SYNDIG1: variants seen among roughly 807,000 people sequenced by gnomAD.
SYNDIG1 encodes the protein synapse differentiation inducing 1.
A neutral mutation model predicts 19.4 loss-of-function variants in SYNDIG1; 9 were observed. That is an observed-to-expected ratio of 0.46 (90% CI 0.28 to 0.81). SYNDIG1 has a LOEUF of 0.81. Among genes scored for constraint, SYNDIG1 ranks in the 30% least tolerant of loss-of-function variants. The pLI, the probability that SYNDIG1 is intolerant of heterozygous loss-of-function variation, is 0.12. For missense variants in SYNDIG1, 311 were observed against 343.3 expected (o/e 0.91, Z 0.74); for synonymous variants, 141 against 145.9 (o/e 0.97, Z 0.24).
At chr20:24,475,511 A>C (rs2055593381) in intron 1 of SYNDIG1, among the ~76,000 whole-genome samples, 1 of 152,212 alleles carries the variant, frequency 6.6e-6, no homozygotes, top group Non-Finnish European at 1.5e-5. Context: ...AGGGCAGTTG[A>C]AAGAGTTGAA....
chr20:24,495,858 T>G (rs2004036), intron 1 of SYNDIG1: 1 of 152,114 alleles, frequency 6.6e-6, no homozygotes, highest in African/African-American at 2.4e-5. Flanking sequence ...TATTTATTTA[T>G]TTTTGATATG....
intron 1 of SYNDIG1, among the ~76,000 whole-genome samples, chr20:24,524,594 T>C (rs1007661404): frequency 4.0e-5 from 6 of 150,422 alleles, no homozygotes; most frequent in Non-Finnish European, 7.4e-5. Context: ...TACAGTGAGC[T>C]GAGATCGCGC....
chr20:24,624,329 A>T (rs1339531921), intron 3 of SYNDIG1, among the ~76,000 whole-genome samples: 1 of 152,100 alleles, frequency 6.6e-6, no homozygotes, highest in East Asian at 1.9e-4. Flanking sequence ...AAAGATACAG[A>T]TGTGTTAAAA....
Position 24,615,804 on chromosome 20 carries a change from T to C in SYNDIG1, c.618+30811T>C, listed in dbSNP as rs1422209354. Among the ~76,000 whole-genome samples, 3 of 141,062 alleles carry C rather than the reference T, an allele frequency of 2.1e-5. No individual in the cohort carries two copies. The East Asian group carries it at 5.8e-4, about 27-fold the overall frequency. The allele number at this position is 141,062 out of a possible 152,430, so 92.5% of individuals were successfully genotyped here. A position where few individuals can be genotyped will look rare whatever the true frequency, so the allele number is the denominator to read the frequency against. On this transcript the variant is annotated intron_variant, in intron 3 of 3. Transcript: ENST00000376862. ...TCCTGCAGCTCAGAGAACATGGGATTCTTCCCTCTCCCCTCCCCGCCCCAC... is the reference window on the plus strand; with the variant it reads ...TCCTGCAGCTCAGAGAACATGGGATCCTTCCCTCTCCCCTCCCCGCCCCAC...
intron 2 of SYNDIG1, among the ~76,000 whole-genome samples, chr20:24,553,128 A>G (rs1192488189): frequency 6.6e-6 from 1 of 151,632 alleles, no homozygotes; most frequent in African/African-American, 2.4e-5. Context: ...GTGTCTGTTC[A>G]TGTCCTTCGC....
At chr20:24,553,922 T>C (rs1173792828) in intron 2 of SYNDIG1, among the ~76,000 whole-genome samples, 2 of 152,232 alleles carry the variant, frequency 1.3e-5, no homozygotes, top group Non-Finnish European at 2.9e-5. Flanking sequence ...TTCACGATAT[T>C]GTTTCTTCCT....
At chr20:24,519,830 C>G (rs374879728) in intron 1 of SYNDIG1, among the ~76,000 whole-genome samples, 1 of 151,746 alleles carries the variant, frequency 6.6e-6, no homozygotes, top group African/African-American at 2.4e-5. Context: ...CACGCACGCA[C>G]GCGCACATGC....
At chr20:24,578,245 C>G (rs577241883) in intron 2 of SYNDIG1, among the ~76,000 whole-genome samples, 50 of 152,186 alleles carry the variant, frequency 3.3e-4, no homozygotes, top group South Asian at 6.2e-4. Flanking sequence ...GAGTTCGAGA[C>G]CAGCCTGGCT....
intron 1 of SYNDIG1, among the ~76,000 whole-genome samples, chr20:24,505,357 C>G (rs1272278633): frequency 2.6e-5 from 4 of 152,104 alleles, no homozygotes. Flanking sequence ...GCCTGGTGGG[C>G]AGAGGCGGTC....
intron 3 of SYNDIG1, among the ~76,000 whole-genome samples, chr20:24,662,219 A>G (rs1405198635): frequency 6.6e-6 from 1 of 150,860 alleles, no homozygotes; most frequent in Non-Finnish European, 1.5e-5. Context: ...TGTAACTTTT[A>G]TTTCCTCAGT....
At chr20:24,627,310 C>A (rs992686785) in intron 3 of SYNDIG1, among the ~76,000 whole-genome samples, 1 of 152,174 alleles carries the variant, frequency 6.6e-6, no homozygotes, top group Non-Finnish European at 1.5e-5. Flanking sequence ...ACTGGAGGAG[C>A]AAGGGATAAC....
chr20:24,567,633 G>A (rs965753501), intron 2 of SYNDIG1, among the ~76,000 whole-genome samples: 4 of 152,202 alleles, frequency 2.6e-5, no homozygotes, highest in South Asian at 4.1e-4. Context: ...TAGCTTCCAA[G>A]CACCGCTCCT....
intron 1 of SYNDIG1, among the ~76,000 whole-genome samples, chr20:24,470,747 A>C (rs896526601): frequency 6.6e-5 from 10 of 152,158 alleles, no homozygotes; most frequent in African/African-American, 2.4e-4. Context: ...GACGAGAGGA[A>C]GGGGTCTTCT....
chr20:24,626,708 G>A (rs1404171850), intron 3 of SYNDIG1, among the ~76,000 whole-genome samples: 1 of 152,202 alleles, frequency 6.6e-6, no homozygotes, highest in African/African-American at 2.4e-5. Context: ...TCGGCACTTT[G>A]GGGGGCCAAG....
At chr20:24,612,344 C>T (rs1568684368) in intron 3 of SYNDIG1, among the ~76,000 whole-genome samples, 1 of 152,206 alleles carries the variant, frequency 6.6e-6, no homozygotes, top group Non-Finnish European at 1.5e-5. Context: ...GGACAGACAT[C>T]AGGTGCCCCC....
chr20:24,632,700 C>T (rs1322411698), intron 3 of SYNDIG1, among the ~76,000 whole-genome samples: 4 of 152,188 alleles, frequency 2.6e-5, no homozygotes, highest in South Asian at 2.1e-4. Flanking sequence ...GCCCTGCTGT[C>T]GTGAGCGGGG....
At chr20:24,647,262 A>G (rs975267346) in intron 3 of SYNDIG1, among the ~76,000 whole-genome samples, 1 of 152,212 alleles carries the variant, frequency 6.6e-6, no homozygotes, top group Non-Finnish European at 1.5e-5. Flanking sequence ...GTGGAGAACC[A>G]TATGAACACA....
chr20:24,649,568 T>C (rs1045400334), intron 3 of SYNDIG1, among the ~76,000 whole-genome samples: 1 of 152,142 alleles, frequency 6.6e-6, no homozygotes, highest in Non-Finnish European at 1.5e-5. Context: ...TACTCGCTGG[T>C]TTATTAATAT....
chr20:24,641,777 G>T (rs1229729372), intron 3 of SYNDIG1, among the ~76,000 whole-genome samples: 1 of 152,208 alleles, frequency 6.6e-6, no homozygotes, highest in Non-Finnish European at 1.5e-5. Flanking sequence ...CAGACTCACA[G>T]CTCCTGGTCT....
Sources: gnomAD v4.1 joint callset for allele counts (sites outside exome capture counted in the v4.1 genomes callset) on GRCh38, gnomAD v4.1.1 for gene constraint, MANE v1.5 for transcripts, NCBI Gene and HGNC (gene_info 2026-07-23, HGNC 2026-07-21) for gene names.